The following CDK8 variants were observed in gnomAD, a reference collection of about 807,000 sequenced individuals.
CDK8 encodes the protein cyclin-dependent kinase 8.
Under a neutral mutation model 71.5 loss-of-function variants are expected in CDK8, and 29 were observed. The observed-to-expected ratio is 0.41, with a 90% confidence interval of 0.30 to 0.55. The LOEUF (loss-of-function observed/expected upper bound fraction) is 0.55, where lower values mean the gene tolerates loss of function less well. Ranked by LOEUF, CDK8 falls within the 20% of genes least tolerant of loss-of-function variation. CDK8 has a pLI of 0.37. For missense variants in CDK8, 288 were observed against 572.6 expected (o/e 0.50, Z 5.07); for synonymous variants, 161 against 192.1 (o/e 0.84, Z 1.34).
At chr13:26,393,319 T>C in intron 6 of CDK8, 48 bp from the exon 7 acceptor site, 1 of 1,285,298 alleles carries the variant, frequency 7.8e-7, no homozygotes, top group South Asian at 1.5e-5. Flanking sequence ...CTTTTTCTTT[T>C]TTCCTTGCCT....
At chr13:26,334,012 A>G (rs1229942464) in intron 1 of CDK8, among the ~76,000 whole-genome samples, 2 of 152,200 alleles carry the variant, frequency 1.3e-5, no homozygotes, top group Admixed American at 6.5e-5. Context: ...GTGATTTTCA[A>G]GAGGAGGTTG....
intron 1 of CDK8, among the ~76,000 whole-genome samples, chr13:26,274,769 T>C (rs1171173124): frequency 6.6e-6 from 1 of 152,136 alleles, no homozygotes; most frequent in Non-Finnish European, 1.5e-5. Context: ...AAGTGCTTTG[T>C]TTATTGGGAT....
Position 26,371,881 on chromosome 13 carries a change from G to A in CDK8, c.457-10933G>A, listed in dbSNP as rs542765590. ...TATCCGCCCGCCTCAGCCTCCCAAA[G>A]TGCTGAGATTACGAGCATGAGCTAC... On this transcript the variant is annotated intron_variant, in intron 4 of 12. Coordinates refer to ENST00000381527, the MANE Select transcript of CDK8 (RefSeq NM_001260.3). Among the ~76,000 whole-genome samples the A allele has an allele frequency of 8.5e-5, 13 of 152,202 alleles. No individual in the cohort carries two copies. In the East Asian group the frequency reaches 1.9e-3, roughly 23 times the overall value.
chr13:26,382,909 T>C (rs1162439106), intron 5 of CDK8, 38 bp downstream of exon 5: 5 of 1,389,960 alleles, frequency 3.6e-6, no homozygotes, highest in South Asian at 2.6e-5. Flanking sequence ...TGTAGCACTT[T>C]TTTAAAACTT....
chr13:26,267,413 A>G (rs1361832620), intron 1 of CDK8, among the ~76,000 whole-genome samples: 1 of 152,322 alleles, frequency 6.6e-6, no homozygotes, highest in East Asian at 1.9e-4. Context: ...AGGAAAATCT[A>G]AGTCCCCCTT....
chr13:26,337,179 A>T (rs963845140), intron 1 of CDK8, among the ~76,000 whole-genome samples: 1 of 152,214 alleles, frequency 6.6e-6, no homozygotes, highest in African/African-American at 2.4e-5. Context: ...TTAGGGACAC[A>T]TTCATTTCTT....
At chr13:26,302,372 T>C (rs999151526) in intron 1 of CDK8, among the ~76,000 whole-genome samples, 1 of 152,226 alleles carries the variant, frequency 6.6e-6, no homozygotes, top group Non-Finnish European at 1.5e-5. Context: ...TGCATTTGAG[T>C]TTCCTATATA....
chr13:26,279,461 A>G (rs1872665180), intron 1 of CDK8, among the ~76,000 whole-genome samples: 1 of 152,078 alleles, frequency 6.6e-6, no homozygotes, highest in Non-Finnish European at 1.5e-5. Flanking sequence ...GGGTGCAGTA[A>G]GAAAAAAAAA....
chr13:26,382,382 G>C (rs1875269075), intron 4 of CDK8, among the ~76,000 whole-genome samples: 1 of 152,038 alleles, frequency 6.6e-6, no homozygotes, highest in African/African-American at 2.4e-5. Flanking sequence ...TGCATACTTT[G>C]TCATTTCCAA....
At position 26,316,944 on chromosome 13, in the gene CDK8, G is replaced by C. The variant is rs148596242; in HGVS notation, c.129-20623G>C. On this transcript the variant is annotated intron_variant, in intron 1 of 12. Coordinates refer to ENST00000381527, the MANE Select transcript of CDK8 (RefSeq NM_001260.3). The stretch of plus-strand genomic sequence containing the variant: ...AAAATTAAAGGAAGATGTGGAGAAA[G>C]TAAAAACAAACCAAAAACAACAAAA... Among the ~76,000 whole-genome samples, 1,024 of 151,660 alleles carry C rather than the reference G, an allele frequency of 6.8e-3. 16 individuals are homozygous for C. Among genetic ancestry groups the C allele is most frequent in the African/African-American group, 0.023 (942 of 41,314 alleles).
chr13:26,343,409 C>T lies in CDK8; in HGVS notation c.205-5663C>T, dbSNP rs114684621. The stretch of plus-strand genomic sequence containing the variant: ...ACATAGAAAAGGTACAGTAAAAATA[C>T]GGAATAAATGATTAAAAAAATGGCT... On this transcript the variant is annotated intron_variant, in intron 2 of 12. Coordinates refer to ENST00000381527, the MANE Select transcript of CDK8 (RefSeq NM_001260.3). Among the ~76,000 whole-genome samples, 988 of 152,198 alleles carry T rather than the reference C, an allele frequency of 6.5e-3. 10 individuals carry two copies. The highest frequency in any genetic ancestry group is 0.021 in the African/African-American group (873 of 41,528).
intron 1 of CDK8, among the ~76,000 whole-genome samples, chr13:26,259,047 C>T (rs966622904): frequency 2.6e-5 from 4 of 152,190 alleles, no homozygotes; most frequent in Non-Finnish European, 5.9e-5. Context: ...TGCATTGGAG[C>T]ATCCCATTAC....
chr13:26,340,460 ATTAAGT>A lies in CDK8; in HGVS notation c.204+2821_204+2826del, dbSNP rs145540417. ...GAGGAGTGGATATTAGTATAAATAA[ATTAAGT>A]TTGTCTGTGAGTGGCTAATGGTACG... On this transcript the variant is annotated intron_variant, in intron 2 of 12. Transcript: ENST00000381527. 6.4e-3 allele frequency among the ~76,000 whole-genome samples: 972 copies of A among 152,276 alleles called. 10 individuals are homozygous for A. Among genetic ancestry groups the A allele is most frequent in the African/African-American group, 0.021 (869 of 41,564 alleles).
At chr13:26,294,903 C>T (rs1366636402) in intron 1 of CDK8, among the ~76,000 whole-genome samples, 1 of 152,080 alleles carries the variant, frequency 6.6e-6, no homozygotes, top group African/African-American at 2.4e-5. Context: ...GTGTGCACCA[C>T]CATGCCCTGC....
intron 1 of CDK8, among the ~76,000 whole-genome samples, chr13:26,305,091 T>A (rs767863295): frequency 2.6e-5 from 4 of 152,242 alleles, no homozygotes; most frequent in Non-Finnish European, 4.4e-5. Context: ...ATTATCATGC[T>A]TCCTTTTTGG....
At chr13:26,258,807 A>T (rs936399655) in intron 1 of CDK8, among the ~76,000 whole-genome samples, 1 of 152,170 alleles carries the variant, frequency 6.6e-6, no homozygotes, top group African/African-American at 2.4e-5. Context: ...ATGATGGTGC[A>T]TTTCCATATT....
intron 2 of CDK8, among the ~76,000 whole-genome samples, chr13:26,341,483 T>G (rs1251375747): frequency 1.3e-5 from 2 of 152,236 alleles, no homozygotes; most frequent in African/African-American, 4.8e-5. Context: ...TTTCACAGGT[T>G]TAAATATATT....
At chr13:26,379,887 A>C (rs763953988) in intron 4 of CDK8, among the ~76,000 whole-genome samples, 1 of 152,230 alleles carries the variant, frequency 6.6e-6, no homozygotes, top group African/African-American at 2.4e-5. Context: ...TGTTTAATTG[A>C]GAAAATGTTT....
At chr13:26,300,791 A>G (rs767451777) in intron 1 of CDK8, among the ~76,000 whole-genome samples, 2 of 152,226 alleles carry the variant, frequency 1.3e-5, no homozygotes, top group Non-Finnish European at 2.9e-5. Flanking sequence ...TCCAAAGCAA[A>G]CAGGTATTGA....
Sources: allele counts gnomAD v4.1 joint callset (sites outside exome capture counted in the v4.1 genomes callset), GRCh38; gene constraint gnomAD v4.1.1; transcripts MANE v1.5; gene names NCBI Gene and HGNC (gene_info 2026-07-23, HGNC 2026-07-21).